KHDRBS3: variants seen among roughly 807,000 people sequenced by gnomAD.
KHDRBS3 encodes KH RNA binding domain containing, signal transduction associated 3, also known as KH domain-containing, RNA-binding, signal transduction-associated protein 3.
A neutral mutation model predicts 45.6 loss-of-function variants in KHDRBS3; 23 were observed. The observed-to-expected ratio is 0.50, with a 90% confidence interval of 0.36 to 0.72. The LOEUF (loss-of-function observed/expected upper bound fraction) is 0.72, where lower values mean the gene tolerates loss of function less well. Ranked by LOEUF, KHDRBS3 falls within the 30% of genes least tolerant of loss-of-function variation. KHDRBS3 has a pLI of 0.00. For synonymous variants in KHDRBS3, 162 were observed against 156.5 expected, an observed-to-expected ratio of 1.04 and a Z score of -0.26; for missense variants, 352 against 424.8, an observed-to-expected ratio of 0.83 and a Z score of 1.51.
chr8:135,619,092 C>G (rs185698440), intron 7 of KHDRBS3, among the ~76,000 whole-genome samples: 1 of 152,220 alleles, frequency 6.6e-6, no homozygotes, highest in African/African-American at 2.4e-5. Flanking sequence ...CTTTTTTGTT[C>G]GTTGTTTCTT....
At chr8:135,532,811 A>C (rs1466868491) in intron 2 of KHDRBS3, among the ~76,000 whole-genome samples, 1 of 152,138 alleles carries the variant, frequency 6.6e-6, no homozygotes, top group African/African-American at 2.4e-5. Flanking sequence ...GGATTAGTAC[A>C]GTACCCTTAC....
chr8:135,496,255 CAG>C (rs1478726758), intron 1 of KHDRBS3, among the ~76,000 whole-genome samples: 2 of 150,800 alleles, frequency 1.3e-5, no homozygotes, highest in South Asian at 2.1e-4. Context: ...TTTTTTGAGA[CAG>C]AGTCTTGCTC....
intron 4 of KHDRBS3, among the ~76,000 whole-genome samples, chr8:135,552,450 G>A (rs1326295061): frequency 6.6e-6 from 1 of 151,916 alleles, no homozygotes; most frequent in Admixed American, 6.6e-5. Flanking sequence ...ATTTTCTTTT[G>A]TTGCAATTCC....
chr8:135,591,379 A>G (rs2130963135), intron 6 of KHDRBS3, among the ~76,000 whole-genome samples: 1 of 152,364 alleles, frequency 6.6e-6, no homozygotes, highest in South Asian at 2.1e-4. Context: ...TTATTTCCTC[A>G]TAGGACAGCT....
At chr8:135,609,038 G>T (rs1477294471) in intron 7 of KHDRBS3, among the ~76,000 whole-genome samples, 2 of 152,146 alleles carry the variant, frequency 1.3e-5, no homozygotes, top group Admixed American at 1.3e-4. Flanking sequence ...GAAGGCCTAG[G>T]ACATTACCGC....
chr8:135,615,527 A>G (rs2131063838), intron 7 of KHDRBS3, among the ~76,000 whole-genome samples: 1 of 152,234 alleles, frequency 6.6e-6, no homozygotes, highest in South Asian at 2.1e-4. Flanking sequence ...TCATTCCATT[A>G]TACTAGTGTT....
intron 7 of KHDRBS3, among the ~76,000 whole-genome samples, chr8:135,613,705 T>C (rs1387775737): frequency 6.6e-6 from 1 of 151,698 alleles, no homozygotes; most frequent in African/African-American, 2.4e-5. Context: ...TGCAAAGGGC[T>C]TCTTTCCTGT....
rs920261026 is a variant in KHDRBS3, at chr8:135,583,559, G to A, written c.807+1486G>A. ...GTTTAGATTTAATACAGATGTGGTT[G>A]GATGATGTAGTAGAAATTGCCAGGC... is the stretch of plus-strand genomic sequence containing the variant. On this transcript the variant is annotated intron_variant, in intron 6 of 8. Coordinates refer to ENST00000355849, the MANE Select transcript of KHDRBS3 (RefSeq NM_006558.3). Among the ~76,000 whole-genome samples the A allele has an allele frequency of 3.3e-5, 5 of 152,136 alleles. 1 individual carries two copies. The highest frequency in any genetic ancestry group is 1.2e-4 in the African/African-American group (5 of 41,422).
chr8:135,574,435 A>G (rs950765314), intron 5 of KHDRBS3, among the ~76,000 whole-genome samples: 1 of 152,254 alleles, frequency 6.6e-6, no homozygotes, highest in African/African-American at 2.4e-5. Context: ...TAAAAATGCC[A>G]TAGTGTGATT....
At chr8:135,464,905 T>C (rs1214976607) in intron 1 of KHDRBS3, among the ~76,000 whole-genome samples, 4 of 152,190 alleles carry the variant, frequency 2.6e-5, no homozygotes. Context: ...TAGCATCAGA[T>C]AGAGGTGGAA....
At chr8:135,486,007 C>G (rs1822844448) in intron 1 of KHDRBS3, among the ~76,000 whole-genome samples, 1 of 151,884 alleles carries the variant, frequency 6.6e-6, no homozygotes, top group Admixed American at 6.6e-5. Flanking sequence ...CAGTCTGGAC[C>G]AGAGGGCACA....
At chr8:135,528,833 T>C (rs1433559718) in intron 2 of KHDRBS3, among the ~76,000 whole-genome samples, 1 of 152,180 alleles carries the variant, frequency 6.6e-6, no homozygotes, top group African/African-American at 2.4e-5. Flanking sequence ...ACCTTAGCCC[T>C]TTTAAAAGGC....
intron 6 of KHDRBS3, among the ~76,000 whole-genome samples, chr8:135,599,272 T>G (rs1325426250): frequency 6.6e-6 from 1 of 152,250 alleles, no homozygotes; most frequent in Admixed American, 6.5e-5. Flanking sequence ...AATAAGCAAG[T>G]CTTTTTAATG....
At chr8:135,635,913 GATCTCAACAGAGATAAGT>G (rs1383164198) in intron 7 of KHDRBS3, among the ~76,000 whole-genome samples, 28 of 152,152 alleles carry the variant, frequency 1.8e-4, no homozygotes, top group Admixed American at 4.6e-4. Context: ...TATCACCACT[GATCTCAACAGAGATAAGT>G]ATTGACTTGA....
At chr8:135,510,892 A>G (rs1824248238) in intron 1 of KHDRBS3, among the ~76,000 whole-genome samples, 1 of 152,216 alleles carries the variant, frequency 6.6e-6, no homozygotes. Context: ...ATCTCAGTGT[A>G]CTGGCCTCCT....
intron 8 of KHDRBS3, among the ~76,000 whole-genome samples, chr8:135,646,235 CTGTT>C (rs1243457061): frequency 6.6e-6 from 1 of 151,986 alleles, no homozygotes; most frequent in Non-Finnish European, 1.5e-5. Flanking sequence ...GGGATGTTAA[CTGTT>C]TGATGTCCAA....
At chr8:135,485,030 G>A (rs565818711) in intron 1 of KHDRBS3, among the ~76,000 whole-genome samples, 2 of 152,298 alleles carry the variant, frequency 1.3e-5, no homozygotes, top group African/African-American at 4.8e-5. Flanking sequence ...CAGTGGCACT[G>A]TATACAGTGT....
At chr8:135,525,166 A>G (rs1022369263) in intron 2 of KHDRBS3, among the ~76,000 whole-genome samples, 1 of 152,060 alleles carries the variant, frequency 6.6e-6, no homozygotes, top group Admixed American at 6.5e-5. Flanking sequence ...AAGAATTTTG[A>G]TATTTTTGTT....
chr8:135,549,383 A>G (rs933035717), intron 4 of KHDRBS3: 1 of 152,280 alleles, frequency 6.6e-6, no homozygotes, highest in East Asian at 1.9e-4. Context: ...CAACATGATA[A>G]ATATAACAGA....
Sources: gnomAD v4.1 joint callset for allele counts (sites outside exome capture counted in the v4.1 genomes callset) on GRCh38, gnomAD v4.1.1 for gene constraint, MANE v1.5 for transcripts, NCBI Gene and HGNC (gene_info 2026-07-23, HGNC 2026-07-21) for gene names.